PXDNL: variants seen among roughly 807,000 people sequenced by gnomAD.
The protein encoded by PXDNL is peroxidasin like, also known as probable oxidoreductase PXDNL.
Under a neutral mutation model 150.8 loss-of-function variants are expected in PXDNL, and 145 were observed. The ratio of observed to expected loss-of-function variants is 0.96; its 90% CI spans 0.84 to 1.10. The LOEUF (loss-of-function observed/expected upper bound fraction) is 1.10. Ranked by LOEUF, PXDNL falls within the 50% of genes least tolerant of loss-of-function variation. The pLI is 0.00. For missense variants in PXDNL, 2,087 were observed against 1,873.9 expected (o/e 1.11, Z -2.10); for synonymous variants, 757 against 725.7 (o/e 1.04, Z -0.69).
intron 19 of PXDNL, among the ~76,000 whole-genome samples, chr8:51,355,888 T>G (rs1806490721): frequency 6.6e-6 from 1 of 152,246 alleles, no homozygotes; most frequent in Admixed American, 6.5e-5. Flanking sequence ...TAGGACAAGA[T>G]TCTAAAAAAG....
chr8:51,514,848 A>C (rs1811501724), intron 4 of PXDNL, among the ~76,000 whole-genome samples: 1 of 152,206 alleles, frequency 6.6e-6, no homozygotes, highest in South Asian at 2.1e-4. Context: ...ATTGAAGAAA[A>C]GAGGCATTTG....
rs199928365 is a variant in PXDNL, at chr8:51,809,299, C to G, written c.46G>C (p.Gly16Arg). Reference sequence around the variant, plus strand: ...CAGGGCAACCCTGGCAGGCACCACCCGGCCAGGAGAAAGAGAGTGGTCCAG... The same window carrying G: ...CAGGGCAACCCTGGCAGGCACCACCGGGCCAGGAGAAAGAGAGTGGTCCAG... ...FCWTTLFLLA[G>R]WCLPGLPCPS... Residue 16 changes from glycine (G) to arginine (R), a missense_variant, in exon 1 of 23, where the codon GGG (glycine) becomes CGG (arginine). By Grantham distance (125) the Gly-to-Arg change is moderately radical. Coordinates refer to ENST00000356297, the MANE Select transcript of PXDNL (RefSeq NM_144651.5). 2.5e-6 allele frequency: 4 copies of G among 1,581,250 alleles called. No individual in the cohort carries two copies. In the Admixed American group the frequency reaches 7.5e-5, roughly 29 times the overall value.
chr8:51,406,880 A>G (rs538757743), intron 17 of PXDNL, among the ~76,000 whole-genome samples: 22 of 152,336 alleles, frequency 1.4e-4, no homozygotes, highest in African/African-American at 5.3e-4. Context: ...CAGATGTGCA[A>G]TATCGTAATG....
intron 12 of PXDNL, among the ~76,000 whole-genome samples, chr8:51,428,880 C>T (rs1809179361): frequency 2.0e-5 from 1 of 51,258 alleles, no homozygotes; most frequent in South Asian, 7.1e-4. Context: ...GTGCTGTGAA[C>T]ACCATGCTGA....
rs1485918419 is a variant in PXDNL at position 51,498,738 on chromosome 8, C to A, written c.452+961G>T. On this transcript the variant is annotated intron_variant, in intron 5 of 22. Coordinates refer to ENST00000356297, the MANE Select transcript of PXDNL (RefSeq NM_144651.5). ...AGGCTCCTCCTGCCATTTCCAATGG[C>A]CTCTCTCCTACTAAAGGTAAGCACC... Among the ~76,000 whole-genome samples, 12 of 152,168 alleles carry A rather than the reference C, an allele frequency of 7.9e-5. 1 individual carries two copies. The highest frequency in any genetic ancestry group is 1.6e-4 in the Non-Finnish European group (11 of 68,038).
intron 1 of PXDNL, among the ~76,000 whole-genome samples, chr8:51,699,790 T>C (rs1816213614): frequency 6.6e-6 from 1 of 152,136 alleles, no homozygotes; most frequent in Non-Finnish European, 1.5e-5. Flanking sequence ...TCTTAAGGAA[T>C]AGGAAGGCCT....
chr8:51,488,430 T>G (rs1810815991), intron 5 of PXDNL, among the ~76,000 whole-genome samples: 1 of 152,002 alleles, frequency 6.6e-6, no homozygotes, highest in African/African-American at 2.4e-5. Flanking sequence ...AACACAATAA[T>G]TAGTAGCCAC....
At position 51,654,727 on chromosome 8, in the gene PXDNL, T is replaced by C. The variant is rs201624809; in HGVS notation, c.198A>G (p.Pro66=). 1.9e-6 allele frequency: 3 copies of C among 1,613,394 alleles called. No homozygotes were observed. The highest frequency in any genetic ancestry group is 4.5e-5 in the East Asian group (2 of 44,844). The change falls in exon 2 of 23, where the codon CCA becomes CCG. Residue 66 remains proline, a synonymous_variant. Transcript: ENST00000356297. ...DLRFNRIREI[P]GSAFKKLKNL... ...TCTTGAGTTTCTTGAAGGCGCTCCC[T>C]GGAATTTCTCTTATTCTGTTAAACC...
intron 21 of PXDNL, among the ~76,000 whole-genome samples, chr8:51,323,115 G>T (rs1166314865): frequency 6.6e-6 from 1 of 152,136 alleles, no homozygotes; most frequent in Non-Finnish European, 1.5e-5. Flanking sequence ...AGATATTAAT[G>T]AATATGTCCT....
chr8:51,411,763 G>A (rs1808659626), intron 15 of PXDNL, among the ~76,000 whole-genome samples: 3 of 152,178 alleles, frequency 2.0e-5, no homozygotes, highest in South Asian at 2.1e-4. Context: ...CAATACTCTC[G>A]GTCTGCAGGA....
intron 7 of PXDNL, 106 bp from the exon 8 acceptor site, chr8:51,472,410 G>A (rs1315347067): frequency 1.3e-5 from 10 of 754,106 alleles, no homozygotes; most frequent in Non-Finnish European, 1.7e-5. Context: ...CTACATTAAA[G>A]TTTTACACAT....
At chr8:51,807,748 T>C (rs1471300286) in intron 1 of PXDNL, among the ~76,000 whole-genome samples, 1 of 152,226 alleles carries the variant, frequency 6.6e-6, no homozygotes, top group Non-Finnish European at 1.5e-5. Context: ...GTGTGTCTAA[T>C]GCAAGCTAAT....
At chr8:51,786,548 T>G (rs2037462561) in intron 1 of PXDNL, among the ~76,000 whole-genome samples, 1 of 130,278 alleles carries the variant, frequency 7.7e-6, no homozygotes, top group East Asian at 2.7e-4. Flanking sequence ...CCCACCCCCA[T>G]GCCCACCTCT....
chr8:51,620,431 C>T (rs569764550), intron 2 of PXDNL, among the ~76,000 whole-genome samples: 4 of 152,252 alleles, frequency 2.6e-5, no homozygotes, highest in East Asian at 1.9e-4. Flanking sequence ...AACATTTTCC[C>T]GTAATTTCTT....
At chr8:51,435,718 G>T in intron 12 of PXDNL, 1 of 325,036 alleles carries the variant, frequency 3.1e-6, no homozygotes, top group Non-Finnish European at 6.2e-6. Flanking sequence ...CAGAGGAGGT[G>T]GAAGAAGAAG....
chr8:51,601,218 G>A lies in PXDNL; in HGVS notation c.237-8520C>T, dbSNP rs117347071. Reference sequence around the variant, plus strand: ...CTGTGGTTGATCCATGGAGTATTCCGTAATGTTTATTAGGTTTAACTGGCC... The same window carrying A: ...CTGTGGTTGATCCATGGAGTATTCCATAATGTTTATTAGGTTTAACTGGCC... On this transcript the variant is annotated intron_variant, in intron 2 of 22. Coordinates refer to ENST00000356297, the MANE Select transcript of PXDNL (RefSeq NM_144651.5). 1.1e-4 allele frequency among the ~76,000 whole-genome samples: 16 copies of A among 151,738 alleles called. No homozygotes were observed. The East Asian group carries it at 1.7e-3, about 17-fold the overall frequency.
intron 4 of PXDNL, among the ~76,000 whole-genome samples, chr8:51,538,994 C>A (rs188550588): frequency 2.9e-4 from 44 of 152,162 alleles, no homozygotes; most frequent in Admixed American, 9.2e-4. Context: ...TCATTAGAAT[C>A]TCCAATAAAA....
intron 9 of PXDNL, among the ~76,000 whole-genome samples, chr8:51,456,363 GGCTCT>G (rs1809937781): frequency 6.6e-6 from 1 of 151,964 alleles, no homozygotes; most frequent in Non-Finnish European, 1.5e-5. Context: ...CTACTTCTCT[GGCTCT>G]CTCCCACTTG....
At chr8:51,658,388 AAAAGT>A (rs1273574305) in intron 1 of PXDNL, among the ~76,000 whole-genome samples, 1 of 150,830 alleles carries the variant, frequency 6.6e-6, no homozygotes, top group Non-Finnish European at 1.5e-5. Context: ...AAAAAGAAAA[AAAAGT>A]ATGATTGGAC....
Sources: allele counts gnomAD v4.1 joint callset (sites outside exome capture counted in the v4.1 genomes callset), GRCh38; gene constraint gnomAD v4.1.1; transcripts MANE v1.5; gene names NCBI Gene and HGNC (gene_info 2026-07-23, HGNC 2026-07-21).